CATSPER3: variants seen among roughly 807,000 people sequenced by gnomAD.
The protein encoded by CATSPER3 is cation channel sperm associated 3.
A neutral mutation model predicts 36.6 loss-of-function variants in CATSPER3; 23 were observed. The observed-to-expected ratio is 0.63, with a 90% CI of 0.45 to 0.89. CATSPER3 has a LOEUF of 0.89. Among genes scored for constraint, CATSPER3 ranks in the 40% least tolerant of loss-of-function variants. The pLI is 0.00. For missense variants in CATSPER3, 474 were observed against 503.9 expected (o/e 0.94, Z 0.57); for synonymous variants, 172 against 184.1 (o/e 0.93, Z 0.53).
Position 135,008,118 on chromosome 5 carries a change from C to T in CATSPER3, c.654C>T (p.Phe218=). 5 of 1,614,076 alleles carry T rather than the reference C, an allele frequency of 3.1e-6. No individual in the cohort carries two copies. Among genetic ancestry groups the T allele is most frequent in the South Asian group, 1.1e-5 (1 of 91,070 alleles). The part of the protein sequence containing the change: ...DNWGNLAAAF[F]TLFSLATVDG... ...GGGGGAACCTGGCTGCAGCTTTTTTCACCCTCTTCAGCTTGGCCACGGTAC... is the reference window on the plus strand; with the variant it reads ...GGGGGAACCTGGCTGCAGCTTTTTTTACCCTCTTCAGCTTGGCCACGGTAC... Residue 218 remains phenylalanine, a synonymous_variant, in exon 4 of 8, where the codon TTC becomes TTT. Transcript: ENST00000282611.
intron 2 of CATSPER3, among the ~76,000 whole-genome samples, chr5:134,980,135 C>T (rs533489239): frequency 1.3e-5 from 2 of 151,984 alleles, no homozygotes; most frequent in African/African-American, 4.8e-5. Flanking sequence ...ACATATATCA[C>T]CATGCCCAGC....
intron 2 of CATSPER3, among the ~76,000 whole-genome samples, chr5:134,977,790 A>T (rs1357660914): frequency 6.6e-6 from 1 of 152,240 alleles, no homozygotes; most frequent in African/African-American, 2.4e-5. Flanking sequence ...ATTTTGGCTC[A>T]TGGTTCTGCA....
intron 2 of CATSPER3, among the ~76,000 whole-genome samples, chr5:134,988,124 T>C (rs1170561549): frequency 6.6e-6 from 1 of 152,222 alleles, no homozygotes; most frequent in Admixed American, 6.5e-5. Context: ...CTGTAGTCTG[T>C]TAAGTGTGCA....
At chr5:135,011,107 T>TA (rs1415169882) in intron 7 of CATSPER3, among the ~76,000 whole-genome samples, 1 of 152,178 alleles carries the variant, frequency 6.6e-6, no homozygotes. Context: ...CTGTGGGCAC[T>TA]AGGGAGCTAC....
intron 3 of CATSPER3, among the ~76,000 whole-genome samples, chr5:134,998,638 T>A (rs1447955152): frequency 3.9e-5 from 6 of 152,222 alleles, no homozygotes; most frequent in Admixed American, 1.3e-4. Flanking sequence ...GGTATCTCAT[T>A]GTGGTTTTGA....
chr5:134,986,496 C>T (rs1464740160), intron 2 of CATSPER3, among the ~76,000 whole-genome samples: 2 of 110,642 alleles, frequency 1.8e-5, no homozygotes, highest in Non-Finnish European at 3.6e-5. Context: ...AAGTCTTGCT[C>T]TGTCTCCCAG....
chr5:134,970,084 C>T lies in CATSPER3; in HGVS notation c.244C>T (p.Leu82Phe). 6.2e-7 allele frequency: 1 copy of T among 1,613,980 alleles called. No individual in the cohort carries two copies. Among genetic ancestry groups the T allele is most frequent in the Admixed American group, 1.7e-5 (1 of 60,012 alleles). The change falls in exon 2 of 8, where the codon CTT becomes TTT. Residue 82 changes from leucine (L) to phenylalanine (F), a missense_variant. Leu to Phe is a conservative substitution (Grantham distance 22). Transcript: ENST00000282611. ...TGACATAAGGTACCGCTTGTTCAGACTTCTTGAGGTAAGCAGACAAAATGG... is the reference window on the plus strand; with the variant it reads ...TGACATAAGGTACCGCTTGTTCAGATTTCTTGAGGTAAGCAGACAAAATGG... Reference protein sequence around the residue: ...SYDIRYRLFRLLEFSEIFFVS... With the variant: ...SYDIRYRLFRFLEFSEIFFVS...
At chr5:134,993,199 C>T (rs1288378381) in intron 2 of CATSPER3, among the ~76,000 whole-genome samples, 1 of 152,102 alleles carries the variant, frequency 6.6e-6, no homozygotes, top group Non-Finnish European at 1.5e-5. Flanking sequence ...TGAAAAAAGC[C>T]AGACACAAAG....
chr5:134,980,832 T>G (rs1751741271), intron 2 of CATSPER3, among the ~76,000 whole-genome samples: 1 of 152,076 alleles, frequency 6.6e-6, no homozygotes, highest in Non-Finnish European at 1.5e-5. Context: ...ACTCAAAAGA[T>G]CCCCACATAT....
At chr5:134,998,523 T>G (rs1273834798) in intron 3 of CATSPER3, among the ~76,000 whole-genome samples, 8 of 152,254 alleles carry the variant, frequency 5.3e-5, no homozygotes, top group African/African-American at 1.9e-4. Flanking sequence ...TGAACTAGTT[T>G]ACAGTCCCAC....
rs181237676 is a variant in CATSPER3 at position 134,981,240 on chromosome 5, C to A, written c.252+11148C>A. 3.1e-3 allele frequency among the ~76,000 whole-genome samples: 465 copies of A among 152,164 alleles called. 4 individuals are homozygous for A. The highest frequency in any genetic ancestry group is 0.011 in the African/African-American group (437 of 41,512). ...GCACAGTGGCTCATGTCTGTAGTCACAGCACTTTGGGAGGCCCAGGCAGGC... is the reference window on the plus strand; with the variant it reads ...GCACAGTGGCTCATGTCTGTAGTCAAAGCACTTTGGGAGGCCCAGGCAGGC... On this transcript the variant is annotated intron_variant, in intron 2 of 7. Coordinates refer to ENST00000282611, the MANE Select transcript of CATSPER3 (RefSeq NM_178019.3).
chr5:134,973,062 A>C (rs973444465), intron 2 of CATSPER3, among the ~76,000 whole-genome samples: 1 of 152,216 alleles, frequency 6.6e-6, no homozygotes, highest in Non-Finnish European at 1.5e-5. Context: ...TATAAAGGAC[A>C]TAGACAAATT....
intron 2 of CATSPER3, among the ~76,000 whole-genome samples, chr5:134,993,540 A>G (rs1042176140): frequency 6.6e-6 from 1 of 152,226 alleles, no homozygotes; most frequent in Non-Finnish European, 1.5e-5. Context: ...AACTTTCTTC[A>G]TGAGACGATC....
At chr5:134,988,307 G>T (rs1205236192) in intron 2 of CATSPER3, among the ~76,000 whole-genome samples, 1 of 152,216 alleles carries the variant, frequency 6.6e-6, no homozygotes, top group Non-Finnish European at 1.5e-5. Flanking sequence ...GAAGGCTGGA[G>T]TGTCTGTGGC....
rs578023591 is a variant in CATSPER3 at position 134,996,562 on chromosome 5, A to C, written c.492+50A>C. 1.9e-6 allele frequency: 3 copies of C among 1,601,780 alleles called. No homozygotes were observed. The South Asian group carries it at 3.3e-5, about 18-fold the overall frequency. ...TGCTGGGAGGGCAGGCCGTAGGCCCATTTGCCCCCAAGACACTAAGGAAAT... is the reference window on the plus strand; with the variant it reads ...TGCTGGGAGGGCAGGCCGTAGGCCCCTTTGCCCCCAAGACACTAAGGAAAT... On this transcript the variant is annotated intron_variant, in intron 3 of 7. Coordinates refer to ENST00000282611, the MANE Select transcript of CATSPER3 (RefSeq NM_178019.3).
At position 134,981,724 on chromosome 5, in the gene CATSPER3, A is replaced by G. The variant is rs190320923; in HGVS notation, c.252+11632A>G. ...ATATTTAAAACATTTGGTTTTCAACAAAATATTATAAAGCAATCAAAGAAA... is the reference window on the plus strand; with the variant it reads ...ATATTTAAAACATTTGGTTTTCAACGAAATATTATAAAGCAATCAAAGAAA... On this transcript the variant is annotated intron_variant, in intron 2 of 7. Transcript: ENST00000282611. 4.2e-3 allele frequency among the ~76,000 whole-genome samples: 645 copies of G among 152,384 alleles called. 2 individuals carry two copies. Among genetic ancestry groups the G allele is most frequent in the Middle Eastern group, 0.02 (6 of 294 alleles).
At chr5:134,971,109 C>G (rs1229123207) in intron 2 of CATSPER3, among the ~76,000 whole-genome samples, 1 of 152,028 alleles carries the variant, frequency 6.6e-6, no homozygotes, top group Non-Finnish European at 1.5e-5. Context: ...GCCACAACGC[C>G]CGGCTAATTT....
chr5:134,989,586 G>C (rs556411853), intron 2 of CATSPER3, among the ~76,000 whole-genome samples: 1 of 152,204 alleles, frequency 6.6e-6, no homozygotes, highest in South Asian at 2.1e-4. Flanking sequence ...GCTTTTCTCC[G>C]GCAGCCTCCT....
chr5:134,994,977 T>C (rs1378138120), intron 2 of CATSPER3, among the ~76,000 whole-genome samples: 2 of 150,680 alleles, frequency 1.3e-5, no homozygotes, highest in Non-Finnish European at 3.0e-5. Flanking sequence ...CTGCCTCCTT[T>C]CTTTCTTTCC....
Sources: gnomAD v4.1 joint callset for allele counts (sites outside exome capture counted in the v4.1 genomes callset) on GRCh38, gnomAD v4.1.1 for gene constraint, MANE v1.5 for transcripts, NCBI Gene and HGNC (gene_info 2026-07-23, HGNC 2026-07-21) for gene names.